The following ARMC8 variants were observed in gnomAD, a reference collection of about 807,000 sequenced individuals.
ARMC8 encodes armadillo repeat containing 8.
In ARMC8, 20 loss-of-function variants were observed where a neutral mutation model predicts 99.3. The ratio of observed to expected loss-of-function variants is 0.20; its 90% CI spans 0.14 to 0.29. The LOEUF is 0.29. ARMC8 is among the 10% of genes least tolerant of loss of function. The pLI is 1.00. For synonymous variants in ARMC8, 263 were observed against 278.3 expected (o/e 0.95, Z 0.55); for missense variants, 569 against 809.5 (o/e 0.70, Z 3.60).
At chr3:138,226,624 A>G (rs562440709) in intron 5 of ARMC8, among the ~76,000 whole-genome samples, 68 of 152,300 alleles carry the variant, frequency 4.5e-4, no homozygotes, top group African/African-American at 1.6e-3. Context: ...CCTGTAGTTC[A>G]TATTGTAATG....
In ARMC8 at chr3:138,239,491, GAGCAA is replaced by G; in HGVS notation, c.801_805del (p.Ala268SerfsTer4). ...AGTTTAACTTACATGTGTAGAGCTGGAGCAATTCGGACAGATGATAACTGTATTGT... is the reference window on the plus strand; with the variant it reads ...AGTTTAACTTACATGTGTAGAGCTGGTTCGGACAGATGATAACTGTATTGT... On this transcript the variant is annotated frameshift_variant, in exon 10 of 22. Transcript: ENST00000469044. LOFTEE classifies it high-confidence loss of function. 1 of 1,602,348 alleles carries G rather than the reference GAGCAA, an allele frequency of 6.2e-7. No individual in the cohort carries two copies. The highest frequency in any genetic ancestry group is 1.1e-5 in the South Asian group (1 of 87,636).
At chr3:138,191,824 G>C (rs932510433) in intron 1 of ARMC8, among the ~76,000 whole-genome samples, 2 of 152,140 alleles carry the variant, frequency 1.3e-5, no homozygotes, top group African/African-American at 4.8e-5. Context: ...CCATATTGTT[G>C]TATGTAGCAG....
intron 11 of ARMC8, among the ~76,000 whole-genome samples, chr3:138,243,416 C>T (rs953839529): frequency 2.0e-5 from 3 of 152,126 alleles, no homozygotes; most frequent in Non-Finnish European, 2.9e-5. Context: ...GAGAAATCTT[C>T]ACATGTTAAT....
chr3:138,292,813 G>C (rs1429012228), intron 21 of ARMC8, among the ~76,000 whole-genome samples: 4 of 152,086 alleles, frequency 2.6e-5, no homozygotes, highest in Admixed American at 2.6e-4. Flanking sequence ...AGAGAAAGGA[G>C]GACTAAGGAC....
At chr3:138,266,142 A>G (rs1310981284) in intron 14 of ARMC8, among the ~76,000 whole-genome samples, 1 of 152,142 alleles carries the variant, frequency 6.6e-6, no homozygotes, top group African/African-American at 2.4e-5. Flanking sequence ...ATTTTCATCC[A>G]TTGGCACATC....
intron 15 of ARMC8, among the ~76,000 whole-genome samples, chr3:138,267,921 C>T (rs2108284487): frequency 6.6e-6 from 1 of 152,136 alleles, no homozygotes; most frequent in Middle Eastern, 3.4e-3. Context: ...TAGGCATTGA[C>T]TATAATTAAG....
intron 2 of ARMC8, among the ~76,000 whole-genome samples, chr3:138,219,931 T>A (rs1467839549): frequency 1.3e-5 from 2 of 152,182 alleles, no homozygotes; most frequent in Non-Finnish European, 2.9e-5. Flanking sequence ...CATTTGGTAA[T>A]GTTAGGGACC....
chr3:138,222,702 TAACTATAA>T (rs2045467677), intron 3 of ARMC8, among the ~76,000 whole-genome samples: 1 of 152,236 alleles, frequency 6.6e-6, no homozygotes, highest in African/African-American at 2.4e-5. Context: ...TATACTTTAG[TAACTATAA>T]AGCTGTCAGC....
chr3:138,229,160 A>ATGTATATG (rs1186374905), intron 6 of ARMC8, 150 bp downstream of exon 6: 2 of 70,908 alleles, frequency 2.8e-5, no homozygotes, highest in African/African-American at 1.2e-4. Context: ...ATATATATAT[A>ATGTATATG]TATATATATA....
chr3:138,243,458 A>C (rs1200598012), intron 11 of ARMC8, among the ~76,000 whole-genome samples: 1 of 152,210 alleles, frequency 6.6e-6, no homozygotes, highest in Non-Finnish European at 1.5e-5. Flanking sequence ...TGTTAGTTCA[A>C]GTCAGTATTA....
At chr3:138,228,217 A>G (rs1199527347) in intron 5 of ARMC8, among the ~76,000 whole-genome samples, 1 of 152,170 alleles carries the variant, frequency 6.6e-6, no homozygotes, top group Non-Finnish European at 1.5e-5. Flanking sequence ...TTACCTGAGG[A>G]GATCTGCCCG....
intron 12 of ARMC8, among the ~76,000 whole-genome samples, chr3:138,253,840 T>C (rs1232829744): frequency 6.6e-6 from 1 of 152,206 alleles, no homozygotes; most frequent in African/African-American, 2.4e-5. Context: ...GCCTCATGTG[T>C]GTAAAAAGTC....
intron 2 of ARMC8, among the ~76,000 whole-genome samples, chr3:138,212,502 T>G (rs1454850755): frequency 8.6e-5 from 13 of 151,886 alleles, no homozygotes; most frequent in African/African-American, 3.1e-4. Context: ...AGAGACGAGG[T>G]TTCTCCATGT....
At chr3:138,245,994 T>G in intron 12 of ARMC8, 1 of 985,200 alleles carries the variant, frequency 1.0e-6, no homozygotes, top group African/African-American at 1.7e-5. Context: ...AATTAGTCAT[T>G]ATTTACTGAA....
At chr3:138,229,086 C>A (rs1249234367) in intron 6 of ARMC8, 76 bp downstream of exon 6, 16 of 893,734 alleles carry the variant, frequency 1.8e-5, no homozygotes, top group Non-Finnish European at 2.3e-5. Context: ...CTTTGTGTAC[C>A]CTCCCAGGGG....
intron 5 of ARMC8, 62 bp downstream of exon 5, chr3:138,223,795 C>T: frequency 7.2e-7 from 1 of 1,387,558 alleles, no homozygotes; most frequent in Non-Finnish European, 1.0e-6. Flanking sequence ...TCCTAATTTG[C>T]TTAGCATCTT....
At chr3:138,203,687 C>T (rs910290843) in intron 1 of ARMC8, among the ~76,000 whole-genome samples, 5 of 152,182 alleles carry the variant, frequency 3.3e-5, no homozygotes, top group South Asian at 2.1e-4. Flanking sequence ...AGGGATTGCA[C>T]GAGGGCGTGA....
intron 2 of ARMC8, among the ~76,000 whole-genome samples, chr3:138,216,045 ATTTTTTTT>A (rs755521341): frequency 7.8e-6 from 1 of 128,536 alleles, no homozygotes; most frequent in African/African-American, 2.9e-5. Flanking sequence ...TGCCCAGCTA[ATTTTTTTT>A]TTTTTTTTTT....
rs574392523 is a variant in ARMC8 at position 138,235,563 on chromosome 3, C to T, written c.609+449C>T. The stretch of plus-strand genomic sequence containing the variant: ...AGTTAAAAAGTAAAGAGTTTCCAGA[C>T]TTAACTAATTACGTTTTCTTTTATA... On this transcript the variant is annotated intron_variant, in intron 7 of 21. Transcript: ENST00000469044. Among the ~76,000 whole-genome samples the T allele has an allele frequency of 5.8e-4, 88 of 152,282 alleles. 1 individual carries two copies. The highest frequency in any genetic ancestry group is 2.5e-3 in the South Asian group (12 of 4,828).
Sources: allele counts gnomAD v4.1 joint callset (sites outside exome capture counted in the v4.1 genomes callset), GRCh38; gene constraint gnomAD v4.1.1; transcripts MANE v1.5; gene names NCBI Gene and HGNC (gene_info 2026-07-23, HGNC 2026-07-21).